Variants in LMO1 observed in about 807,000 individuals in gnomAD.
The protein encoded by LMO1 is LIM domain only 1, also known as rhombotin-1.
In LMO1, 10 loss-of-function variants were observed where a neutral mutation model predicts 18.0. The observed-to-expected ratio is 0.55, with a 90% confidence interval of 0.34 to 0.94. The LOEUF is 0.94. Ranked by LOEUF, LMO1 falls within the 40% of genes least tolerant of loss-of-function variation. LMO1 has a pLI of 0.02. For missense variants in LMO1, 183 were observed against 205.7 expected (o/e 0.89, Z 0.68); for synonymous variants, 77 against 77.9 (o/e 0.99, Z 0.06).
intron 1 of LMO1, among the ~76,000 whole-genome samples, chr11:8,250,680 C>T: frequency 6.6e-6 from 1 of 152,276 alleles, no homozygotes; most frequent in East Asian, 1.9e-4. Flanking sequence ...AAGAGACAGC[C>T]TCTGACTGAC....
chr11:8,259,384 G>A (rs1480089352), intron 1 of LMO1, among the ~76,000 whole-genome samples: 2 of 152,168 alleles, frequency 1.3e-5, no homozygotes, highest in African/African-American at 2.4e-5. Context: ...TGGGCAGGAA[G>A]GGGAAGCGGC....
intron 1 of LMO1, among the ~76,000 whole-genome samples, chr11:8,245,611 G>T (rs1354536344): frequency 6.6e-6 from 1 of 152,152 alleles, no homozygotes; most frequent in Non-Finnish European, 1.5e-5. Flanking sequence ...TGAACCCCAG[G>T]ATCTCACTGG....
At chr11:8,265,299 A>G (rs1382819457), upstream of LMO1, among the ~76,000 whole-genome samples, 3 of 151,740 alleles carry the variant, frequency 2.0e-5, no homozygotes, top group African/African-American at 2.4e-5. Context: ...AAACTGTGGC[A>G]CTCCAGACAA....
At chr11:8,257,668 C>A (rs560558015) in intron 1 of LMO1, among the ~76,000 whole-genome samples, 1 of 152,238 alleles carries the variant, frequency 6.6e-6, no homozygotes, top group Non-Finnish European at 1.5e-5. Context: ...CTCAACCTTC[C>A]CCCTATAAAT....
In LMO1 at chr11:8,263,592, T is replaced by G; in HGVS notation, c.-230A>C. On this transcript the variant is annotated 5_prime_UTR_variant, in exon 1 of 4. Transcript: ENST00000335790. ...TTTGTGCCTCAGAATTGGAAGGAACTACGAACTGCAATTTAGAGAGAGAGG... is the reference window on the plus strand; with the variant it reads ...TTTGTGCCTCAGAATTGGAAGGAACGACGAACTGCAATTTAGAGAGAGAGG... The G allele has an allele frequency of 1.5e-6, 2 of 1,365,890 alleles. No homozygotes were observed. Among genetic ancestry groups the G allele is most frequent in the Non-Finnish European group, 9.4e-7 (1 of 1,063,502 alleles). 84.6% of individuals were successfully genotyped at this position (1,365,890 alleles called of 1,614,324 possible).
intron 2 of LMO1, 89 bp downstream of exon 2, chr11:8,230,202 A>AG (rs1320836052): frequency 2.8e-5 from 33 of 1,191,614 alleles, no homozygotes; most frequent in Non-Finnish European, 3.8e-5. Flanking sequence ...TACTGGGTCT[A>AG]GGGCCGGGGG....
intron 3 of LMO1, among the ~76,000 whole-genome samples, chr11:8,226,081 A>C (rs1590515988): frequency 6.6e-6 from 1 of 152,132 alleles, no homozygotes; most frequent in Non-Finnish European, 1.5e-5. Flanking sequence ...CCCTGAGGGG[A>C]CTTTGCCCTC....
intron 3 of LMO1, among the ~76,000 whole-genome samples, chr11:8,225,242 T>C (rs1045381080): frequency 6.6e-6 from 1 of 151,362 alleles, no homozygotes; most frequent in Non-Finnish European, 1.5e-5. Context: ...TGAAACCCCA[T>C]CTCTACTAAA....
intron 1 of LMO1, among the ~76,000 whole-genome samples, chr11:8,237,807 A>T (rs1167701557): frequency 6.6e-6 from 1 of 152,214 alleles, no homozygotes; most frequent in Non-Finnish European, 1.5e-5. Context: ...TTGTGAGAAG[A>T]GGTGGGGTAG....
Position 8,250,665 on chromosome 11 carries a change from C to A in LMO1, c.25+12673G>T, listed in dbSNP as rs371333714. ...CTTCTGGCTCGGGGGAGAGCAGCTG[C>A]CTGGAAGAGACAGCCTCTGACTGAC... On this transcript the variant is annotated intron_variant, in intron 1 of 3. Transcript: ENST00000335790. 5.9e-5 allele frequency among the ~76,000 whole-genome samples: 9 copies of A among 152,364 alleles called. No individual in the cohort carries two copies. The East Asian group carries it at 1.3e-3, about 23-fold the overall frequency.
intron 1 of LMO1, among the ~76,000 whole-genome samples, chr11:8,243,375 T>C (rs1846832307): frequency 6.6e-6 from 1 of 152,160 alleles, no homozygotes; most frequent in Admixed American, 6.5e-5. Context: ...GGGATCTGTA[T>C]CCTAAACCAG....
intron 2 of LMO1, among the ~76,000 whole-genome samples, chr11:8,227,310 GGAGGGTGTGTAGGGGGTCA>G (rs1256572614): frequency 6.6e-6 from 1 of 152,210 alleles, no homozygotes; most frequent in African/African-American, 2.4e-5. Flanking sequence ...CCCCTTCCAG[GGAGGGTGTGTAGGGGGTCA>G]GGAGTTGGCT....
intron 1 of LMO1, among the ~76,000 whole-genome samples, chr11:8,248,792 G>A (rs1846938830): frequency 6.6e-6 from 1 of 152,210 alleles, no homozygotes; most frequent in Non-Finnish European, 1.5e-5. Flanking sequence ...TGATCCATGG[G>A]TGGCTGGATA....
intron 1 of LMO1, among the ~76,000 whole-genome samples, chr11:8,246,872 G>A (rs1434229663): frequency 6.6e-6 from 1 of 152,144 alleles, no homozygotes; most frequent in African/African-American, 2.4e-5. Flanking sequence ...AGCCTCACAG[G>A]GGGCAGGCCC....
chr11:8,248,981 G>A (rs1846941940), intron 1 of LMO1, among the ~76,000 whole-genome samples: 1 of 152,206 alleles, frequency 6.6e-6, no homozygotes, highest in Non-Finnish European at 1.5e-5. Flanking sequence ...GCAAGCAAGG[G>A]CCTCAGGGAC....
At chr11:8,244,804 G>A (rs1422095941) in intron 1 of LMO1, among the ~76,000 whole-genome samples, 1 of 152,172 alleles carries the variant, frequency 6.6e-6, no homozygotes, top group East Asian at 1.9e-4. Context: ...AACCCCTCAT[G>A]GTTTTCAGCA....
chr11:8,263,685 C>G lies in LMO1; in HGVS notation c.-323G>C. ...TTTGATTCTCACCTTCTAAATGGCT[C>G]AATTTGCCCAGTATAATCTGTCTTA... On this transcript the variant is annotated 5_prime_UTR_variant, in exon 1 of 4. Transcript: ENST00000335790. The G allele has an allele frequency of 7.9e-7, 1 of 1,264,588 alleles. No individual in the cohort carries two copies. 78.3% of individuals were successfully genotyped at this position (1,264,588 alleles called of 1,614,324 possible). A position where few individuals can be genotyped will look rare whatever the true frequency, so the allele number is the denominator to read the frequency against.
chr11:8,263,649 A>G lies in LMO1; in HGVS notation c.-287T>C. On this transcript the variant is annotated 5_prime_UTR_variant, in exon 1 of 4. Coordinates refer to ENST00000335790, the MANE Select transcript of LMO1 (RefSeq NM_002315.3). ...GAGAGAGAAGGGGGAAAAGAGGATC[A>G]GAGCCGTTTCTTTGATTCTCACCTT... 7.6e-7 allele frequency: 1 copy of G among 1,323,042 alleles called. No homozygotes were observed. Among genetic ancestry groups the G allele is most frequent in the Non-Finnish European group, 9.6e-7 (1 of 1,040,416 alleles). The allele number at this position is 1,323,042 out of a possible 1,614,324, so 82.0% of individuals were successfully genotyped here. A position where few individuals can be genotyped will look rare whatever the true frequency, so the allele number is the denominator to read the frequency against.
intron 1 of LMO1, among the ~76,000 whole-genome samples, chr11:8,246,814 T>G (rs1045212168): frequency 4.0e-5 from 6 of 150,892 alleles, no homozygotes; most frequent in Non-Finnish European, 8.9e-5. Context: ...AAATAACCTG[T>G]GGCAGCTAGA....
Sources: allele counts gnomAD v4.1 joint callset (sites outside exome capture counted in the v4.1 genomes callset), GRCh38; gene constraint gnomAD v4.1.1; transcripts MANE v1.5; gene names NCBI Gene and HGNC (gene_info 2026-07-23, HGNC 2026-07-21).